ATP9A: variants seen among roughly 807,000 people sequenced by gnomAD.
The protein encoded by ATP9A is ATPase phospholipid transporting 9A.
In ATP9A, 52 loss-of-function variants were observed where a neutral mutation model predicts 144.1. That is an observed-to-expected ratio of 0.36 (90% CI 0.29 to 0.45). ATP9A has a LOEUF of 0.45. Among genes scored for constraint, ATP9A ranks in the 20% least tolerant of loss-of-function variants. ATP9A has a pLI of 1.00. For missense variants in ATP9A, 947 were observed against 1,392.7 expected (o/e 0.68, Z 5.09); for synonymous variants, 582 against 557.4 (o/e 1.04, Z -0.62).
chr20:51,763,838 C>T (rs2077892863), intron 1 of ATP9A, among the ~76,000 whole-genome samples: 1 of 152,130 alleles, frequency 6.6e-6, no homozygotes, highest in Non-Finnish European at 1.5e-5. Flanking sequence ...AGTCTTGGGC[C>T]ACCTGGTACC....
chr20:51,605,836 C>A (rs1271789468), intron 26 of ATP9A, among the ~76,000 whole-genome samples: 36 of 151,392 alleles, frequency 2.4e-4, no homozygotes, highest in Non-Finnish European at 1.5e-5. Flanking sequence ...TTTCTTAAAC[C>A]TGGGAGGTGG....
rs750901590 is a variant in ATP9A, at chr20:51,639,374, T to A, written c.1637A>T (p.Tyr546Phe). The A allele has an allele frequency of 6.2e-7, 1 of 1,613,716 alleles. No individual in the cohort carries two copies. The highest frequency in any genetic ancestry group is 1.3e-5 in the African/African-American group (1 of 74,870). ...GATGATGCCCATACGTTTGCTTTCATAGGTGAAAGGGAAGATCTGTAGGAT... is the reference window on the plus strand; with the variant it reads ...GATGATGCCCATACGTTTGCTTTCAAAGGTGAAAGGGAAGATCTGTAGGAT... ...FTILQIFPFT[Y>F]ESKRMGIIVR... is the part of the protein sequence containing the mutation. Residue 546 changes from tyrosine (Y) to phenylalanine (F), a missense_variant, in exon 15 of 28, where the codon TAT becomes TTT. Coordinates refer to ENST00000338821, the MANE Select transcript of ATP9A (RefSeq NM_006045.3).
intron 6 of ATP9A, 97 bp from the exon 7 acceptor site, chr20:51,694,199 A>T: frequency 2.4e-6 from 2 of 830,222 alleles, no homozygotes. Flanking sequence ...AAAACAGCCA[A>T]CCAATGGCCA....
chr20:51,610,020 T>C lies in ATP9A; in HGVS notation c.2636+81A>G. 3 of 1,339,942 alleles carry C rather than the reference T, an allele frequency of 2.2e-6. No homozygotes were observed. In the South Asian group the frequency reaches 3.7e-5, roughly 16 times the overall value. 83.0% of individuals were successfully genotyped at this position (1,339,942 alleles called of 1,614,324 possible). The stretch of plus-strand genomic sequence containing the variant: ...AATGTGGCTTGGGAACCCAAGAATT[T>C]TTCCACCACGTTTCTTCTCTCTGTT... On this transcript the variant is annotated intron_variant, in intron 24 of 27. Coordinates refer to ENST00000338821, the MANE Select transcript of ATP9A (RefSeq NM_006045.3).
At chr20:51,632,455 T>C (rs1601069253) in intron 15 of ATP9A, among the ~76,000 whole-genome samples, 2 of 152,346 alleles carry the variant, frequency 1.3e-5, no homozygotes, top group South Asian at 4.1e-4. Flanking sequence ...ATTTGGGTTA[T>C]ATGAACACAT....
intron 23 of ATP9A, among the ~76,000 whole-genome samples, chr20:51,610,776 T>C (rs1364106572): frequency 6.6e-6 from 1 of 152,178 alleles, no homozygotes; most frequent in Non-Finnish European, 1.5e-5. Context: ...CTGAAGTGTC[T>C]ACGGGGGCTG....
chr20:51,724,370 C>G (rs181632470), intron 3 of ATP9A, among the ~76,000 whole-genome samples: 146 of 152,246 alleles, frequency 9.6e-4, no homozygotes, highest in African/African-American at 3.4e-3. Flanking sequence ...CTCAAATGCT[C>G]TAAGCACATG....
chr20:51,746,708 G>A (rs1320066793), intron 1 of ATP9A, among the ~76,000 whole-genome samples: 1 of 152,188 alleles, frequency 6.6e-6, no homozygotes, highest in Non-Finnish European at 1.5e-5. Flanking sequence ...ACATGGTGGG[G>A]GACACCTGTA....
intron 1 of ATP9A, among the ~76,000 whole-genome samples, chr20:51,735,350 T>C (rs1018466013): frequency 6.6e-6 from 1 of 150,916 alleles, no homozygotes; most frequent in East Asian, 1.9e-4. Flanking sequence ...GCACAGACAA[T>C]CTCCACGACG....
intron 14 of ATP9A, among the ~76,000 whole-genome samples, chr20:51,646,361 C>T (rs1297642613): frequency 6.6e-6 from 1 of 152,116 alleles, no homozygotes; most frequent in Non-Finnish European, 1.5e-5. Flanking sequence ...TGATACGAGG[C>T]GGGAATGTGA....
intron 1 of ATP9A, among the ~76,000 whole-genome samples, chr20:51,755,533 G>T (rs562828181): frequency 6.6e-6 from 1 of 152,160 alleles, no homozygotes; most frequent in Non-Finnish European, 1.5e-5. Context: ...TGAGGACATG[G>T]AACAACTGAC....
chr20:51,622,422 CA>C (rs1450274401), intron 18 of ATP9A, among the ~76,000 whole-genome samples: 5 of 152,200 alleles, frequency 3.3e-5, no homozygotes, highest in African/African-American at 1.2e-4. Flanking sequence ...CCACACACTA[CA>C]GGAGGTACTA....
At chr20:51,713,662 A>G (rs1031042843) in intron 3 of ATP9A, among the ~76,000 whole-genome samples, 2 of 152,228 alleles carry the variant, frequency 1.3e-5, no homozygotes, top group African/African-American at 4.8e-5. Flanking sequence ...AGCCAGTAAG[A>G]GGGACCACCA....
chr20:51,622,995 T>A (rs1219879969), intron 18 of ATP9A, among the ~76,000 whole-genome samples: 3 of 152,080 alleles, frequency 2.0e-5, no homozygotes, highest in African/African-American at 7.2e-5. Flanking sequence ...TCATGACAGC[T>A]TCTGGAGGCT....
At chr20:51,638,121 A>ATATATATATATCTATC (rs2077302889) in intron 15 of ATP9A, among the ~76,000 whole-genome samples, 1 of 103,026 alleles carries the variant, frequency 9.7e-6, no homozygotes, top group African/African-American at 4.1e-5. Flanking sequence ...ATATATATAT[A>ATATATATATATCTATC]TATCTCATAG....
chr20:51,663,931 A>T (rs868726215), intron 13 of ATP9A, among the ~76,000 whole-genome samples: 54 of 152,292 alleles, frequency 3.5e-4, no homozygotes, highest in African/African-American at 1.3e-3. Context: ...TGTTGTGTGT[A>T]GAAAAATAAA....
chr20:51,604,034 C>A (rs1393475151), intron 27 of ATP9A, among the ~76,000 whole-genome samples: 4 of 152,202 alleles, frequency 2.6e-5, no homozygotes, highest in African/African-American at 9.7e-5. Context: ...CCGCCTCTGC[C>A]TCCCAAAATG....
chr20:51,633,718 C>T (rs2077278989), intron 15 of ATP9A, among the ~76,000 whole-genome samples: 3 of 151,184 alleles, frequency 2.0e-5, no homozygotes, highest in Non-Finnish European at 4.4e-5. Context: ...TGCACTCCAG[C>T]CTAGGTAACA....
At chr20:51,761,883 G>A (rs1166024583) in intron 1 of ATP9A, among the ~76,000 whole-genome samples, 1 of 152,168 alleles carries the variant, frequency 6.6e-6, no homozygotes, top group Non-Finnish European at 1.5e-5. Flanking sequence ...TGTCAGCAGA[G>A]CCGTGTTCCT....
Sources: allele counts gnomAD v4.1 joint callset (sites outside exome capture counted in the v4.1 genomes callset), GRCh38; gene constraint gnomAD v4.1.1; transcripts MANE v1.5; gene names NCBI Gene and HGNC (gene_info 2026-07-23, HGNC 2026-07-21).